The following APOBEC1 variants were observed in gnomAD, a reference collection of about 807,000 sequenced individuals.
The protein encoded by APOBEC1 is apolipoprotein B mRNA editing enzyme catalytic subunit 1.
APOBEC1 carries 22 observed loss-of-function variants against 26.3 expected under a neutral mutation model. The observed-to-expected ratio is 0.84, with a 90% CI of 0.60 to 1.19. The LOEUF is 1.19. APOBEC1 is among the 50% of genes most tolerant of loss of function. The pLI is 0.00. For missense variants in APOBEC1, 253 were observed against 289.0 expected (o/e 0.88, Z 0.90); for synonymous variants, 77 against 95.3 (o/e 0.81, Z 1.12).
chr12:7,665,778 CA>C, intron 1 of APOBEC1, 78 bp downstream of exon 1: 1 of 1,162,466 alleles, frequency 8.6e-7, no homozygotes. Flanking sequence ...CACACACACA[CA>C]CACACACACA....
upstream of APOBEC1, among the ~76,000 whole-genome samples, chr12:7,668,000 T>C (rs758759201): frequency 2.0e-5 from 3 of 151,996 alleles, no homozygotes; most frequent in East Asian, 5.8e-4. Flanking sequence ...ACATATGAAC[T>C]TAAGTGCCAA....
upstream of APOBEC1, among the ~76,000 whole-genome samples, chr12:7,666,350 A>G (rs1431457104): frequency 1.3e-4 from 19 of 151,130 alleles, no homozygotes; most frequent in African/African-American, 4.9e-5. Flanking sequence ...CTGGAGTGCA[A>G]TGGCACAATC....
At chr12:7,660,392 G>GAAAAAGAA (rs1261155553) in intron 1 of APOBEC1, among the ~76,000 whole-genome samples, 9 of 74,956 alleles carry the variant, frequency 1.2e-4, no homozygotes, top group Non-Finnish European at 2.3e-4. Context: ...AAGAAAGAAA[G>GAAAAAGAA]AAAGAAAGAA....
chr12:7,650,877 A>AT, intron 4 of APOBEC1, 146 bp downstream of exon 4: 1 of 688,802 alleles, frequency 1.5e-6, no homozygotes, highest in Non-Finnish European at 2.5e-6. Context: ...TGGCTCTGAG[A>AT]TTTTCTTAAG....
intron 3 of APOBEC1, among the ~76,000 whole-genome samples, 199 bp from the exon 4 acceptor site, chr12:7,651,340 G>A (rs1863634962): frequency 6.6e-6 from 1 of 152,172 alleles, no homozygotes; most frequent in African/African-American, 2.4e-5. Context: ...TGTTGGCTGG[G>A]TGCGGTGGCT....
chr12:7,658,055 T>TTGTTTTGTTC (rs1411225687), intron 1 of APOBEC1, among the ~76,000 whole-genome samples: 1 of 147,866 alleles, frequency 6.8e-6, no homozygotes, highest in Admixed American at 6.7e-5. Context: ...CTGTTTTGTT[T>TTGTTTTGTTC]TGTTTTGTTT....
chr12:7,668,228 G>A (rs918984131), upstream of APOBEC1, among the ~76,000 whole-genome samples: 2 of 152,136 alleles, frequency 1.3e-5, no homozygotes, highest in Non-Finnish European at 2.9e-5. Context: ...AGCTGGAAAA[G>A]GCAAGGAATG....
Position 7,662,586 on chromosome 12 carries a change from C to CA in APOBEC1, c.16+3270dup, listed in dbSNP as rs1202232653. Among the ~76,000 whole-genome samples the CA allele has an allele frequency of 8.6e-5, 13 of 150,832 alleles. No individual in the cohort carries two copies. In the East Asian group the frequency reaches 1.6e-3, roughly 18 times the overall value. ...CGACAGAGCGAGAGAGACTCCATCT[C>CA]AAAAAAAAAGGAAGAAGAAAAGTAC... On this transcript the variant is annotated intron_variant, in intron 1 of 4. Transcript: ENST00000229304.
At chr12:7,659,322 A>ATAT (rs1400952917) in intron 1 of APOBEC1, among the ~76,000 whole-genome samples, 3 of 46,280 alleles carry the variant, frequency 6.5e-5, no homozygotes, top group African/African-American at 3.8e-4. Flanking sequence ...AAAAAAAAAA[A>ATAT]ATATATATAT....
chr12:7,665,613 A>C (rs141161984), intron 1 of APOBEC1, among the ~76,000 whole-genome samples: 1 of 152,024 alleles, frequency 6.6e-6, no homozygotes. Flanking sequence ...ATTTTTTATC[A>C]TGGTGAAACA....
intron 4 of APOBEC1, 32 bp downstream of exon 4, chr12:7,650,991 G>A: frequency 1.4e-6 from 2 of 1,460,870 alleles, no homozygotes; most frequent in Non-Finnish European, 1.9e-6. Context: ...GCTTCTTTTT[G>A]CATCAACATT....
At chr12:7,665,553 C>T (rs1233060778) in intron 1 of APOBEC1, among the ~76,000 whole-genome samples, 1 of 152,098 alleles carries the variant, frequency 6.6e-6, no homozygotes, top group Non-Finnish European at 1.5e-5. Flanking sequence ...CCTCCTTGGA[C>T]TCCCAAAGTG....
At chr12:7,666,005 A>G, upstream of APOBEC1, 2 of 930,778 alleles carry the variant, frequency 2.1e-6, no homozygotes, top group East Asian at 4.8e-5. Flanking sequence ...TCAGGCAGTT[A>G]TGGGAATCTG....
intron 1 of APOBEC1, among the ~76,000 whole-genome samples, chr12:7,665,066 A>T (rs1211972826): frequency 1.3e-5 from 2 of 152,012 alleles, no homozygotes; most frequent in Non-Finnish European, 2.9e-5. Context: ...TAAGATAAAA[A>T]TTTTTTTAGG....
intron 2 of APOBEC1, among the ~76,000 whole-genome samples, chr12:7,654,070 C>G (rs1863682016): frequency 6.6e-6 from 1 of 152,098 alleles, no homozygotes; most frequent in Non-Finnish European, 1.5e-5. Context: ...CTTCCCTGTC[C>G]TATGTCTGAA....
chr12:7,660,372 G>GAAA (rs1339806880), intron 1 of APOBEC1, among the ~76,000 whole-genome samples: 2 of 97,086 alleles, frequency 2.1e-5, no homozygotes, highest in African/African-American at 9.0e-5. Flanking sequence ...AGGAAGGAAG[G>GAAA]AAGGAAAGAA....
intron 1 of APOBEC1, among the ~76,000 whole-genome samples, chr12:7,656,791 T>C (rs1863720834): frequency 6.6e-6 from 1 of 152,196 alleles, no homozygotes; most frequent in Admixed American, 6.5e-5. Flanking sequence ...AGCAGATGCT[T>C]CATAAACGTT....
chr12:7,650,945 G>A (rs1333955699), intron 4 of APOBEC1, 78 bp downstream of exon 4: 1 of 1,038,862 alleles, frequency 9.6e-7, no homozygotes, highest in African/African-American at 1.6e-5. Context: ...GAAGATATGA[G>A]TCAAATTTTC....
chr12:7,656,560 G>C (rs1292060722), intron 1 of APOBEC1, among the ~76,000 whole-genome samples: 1 of 152,202 alleles, frequency 6.6e-6, no homozygotes, highest in African/African-American at 2.4e-5. Context: ...AAGCAACACA[G>C]TGTTGCAATC....
Sources: gnomAD v4.1 joint callset for allele counts (sites outside exome capture counted in the v4.1 genomes callset) on GRCh38, gnomAD v4.1.1 for gene constraint, MANE v1.5 for transcripts, NCBI Gene and HGNC (gene_info 2026-07-23, HGNC 2026-07-21) for gene names.